Variants in RPS15A observed in about 807,000 individuals in gnomAD.
RPS15A encodes ribosomal protein S15a, also known as small ribosomal subunit protein uS8.
For missense variants in RPS15A, 62 were observed against 163.4 expected (o/e 0.38, Z 3.38); for synonymous variants, 55 against 58.5 (o/e 0.94, Z 0.27).
At chr16:18,787,673 A>G (rs1432258566) in intron 3 of RPS15A, among the ~76,000 whole-genome samples, 1 of 152,236 alleles carries the variant, frequency 6.6e-6, no homozygotes, top group Non-Finnish European at 1.5e-5. Flanking sequence ...ACTCAAAGAT[A>G]AAGATTCCAT....
intron 3 of RPS15A, chr16:18,785,119 C>A: frequency 3.6e-6 from 1 of 276,816 alleles, no homozygotes; most frequent in Non-Finnish European, 6.7e-6. Context: ...CCAGGATGAT[C>A]AGATTTTACA....
rs142398499 is a variant in RPS15A at position 18,790,094 on chromosome 16, G to A, written c.-6+150C>T. 398 of 152,926 alleles carry A rather than the reference G, an allele frequency of 2.6e-3. 2 individuals carry two copies. The highest frequency in any genetic ancestry group is 4.0e-3 in the Non-Finnish European group (271 of 68,538). The allele number at this position is 152,926 out of a possible 1,614,324, so 9.5% of individuals were successfully genotyped here. A position where few individuals can be genotyped will look rare whatever the true frequency, so the allele number is the denominator to read the frequency against. ...GAAGGCTCCGGCTCCCGCCCGCGCT[G>A]CGGCCTGCACCCCACGGACCGGGAT... On this transcript the variant is annotated intron_variant, in intron 1 of 4. Transcript: ENST00000322989.
intron 3 of RPS15A, chr16:18,785,881 A>G (rs1434970822): frequency 6.6e-6 from 1 of 152,328 alleles, no homozygotes; most frequent in East Asian, 1.9e-4. Flanking sequence ...AATTCTTCTC[A>G]TTCTGGTAGA....
intron 4 of RPS15A, 181 bp from the exon 5 acceptor site, chr16:18,783,283 CAA>C: frequency 1.8e-6 from 1 of 553,820 alleles, no homozygotes; most frequent in Admixed American, 3.4e-5. Flanking sequence ...TCCTGCAACC[CAA>C]AGAGCCAAAT....
At chr16:18,783,542 T>C (rs1397376407) in intron 4 of RPS15A, 5 of 402,044 alleles carry the variant, frequency 1.2e-5, no homozygotes, top group Admixed American at 1.2e-4. Context: ...CATGAGTTAC[T>C]GTGGGGATCA....
chr16:18,782,876 C>T lies in RPS15A; in HGVS notation c.*133G>A. On this transcript the variant is annotated 3_prime_UTR_variant, in exon 5 of 5. Coordinates refer to ENST00000322989, the MANE Select transcript of RPS15A (RefSeq NM_001019.5). ...CTGTATTAGTCACTTCAGGGAATCG[C>T]ATTCACCGATAAACGAAGCAACTGC... 1 of 608,622 alleles carries T rather than the reference C, an allele frequency of 1.6e-6. No homozygotes were observed. The highest frequency in any genetic ancestry group is 2.0e-5 in the South Asian group (1 of 50,374). 37.7% of individuals were successfully genotyped at this position (608,622 alleles called of 1,614,324 possible).
At chr16:18,788,188 G>A (rs1226535123) in intron 2 of RPS15A, 46 bp from the exon 3 acceptor site, 13 of 1,196,200 alleles carry the variant, frequency 1.1e-5, no homozygotes, top group Non-Finnish European at 1.6e-5. Context: ...ATCAACTTGA[G>A]AGCTAAACCT....
intron 3 of RPS15A, 68 bp downstream of exon 3, chr16:18,787,995 A>AT (rs1157082428): frequency 1.0e-6 from 1 of 961,898 alleles, no homozygotes; most frequent in Admixed American, 1.7e-5. Flanking sequence ...TCCAAAGGCA[A>AT]TTACAACATT....
intron 2 of RPS15A, 76 bp from the exon 3 acceptor site, chr16:18,788,218 ATTC>A: frequency 1.8e-5 from 16 of 907,940 alleles, no homozygotes; most frequent in Non-Finnish European, 1.6e-5. Context: ...AGCCTACTCA[ATTC>A]TTCACTCTCC....
At chr16:18,783,236 C>A in intron 4 of RPS15A, 134 bp from the exon 5 acceptor site, 1 of 616,218 alleles carries the variant, frequency 1.6e-6, no homozygotes, top group Non-Finnish European at 2.9e-6. Context: ...ACAGTGCCTA[C>A]ATGAGCTGGT....
At chr16:18,788,784 GCTC>G (rs1362431674) in intron 2 of RPS15A, 194 bp downstream of exon 2, 1 of 557,300 alleles carries the variant, frequency 1.8e-6, no homozygotes, top group Non-Finnish European at 3.2e-6. Flanking sequence ...ACCTAGCAGA[GCTC>G]CTTTTTCCAG....
intron 1 of RPS15A, 153 bp from the exon 2 acceptor site, chr16:18,789,271 C>G (rs571707375): frequency 1.5e-6 from 1 of 672,958 alleles, no homozygotes; most frequent in South Asian, 2.1e-5. Flanking sequence ...TTCCCACCAC[C>G]CAGGAAAATT....
At position 18,784,786 on chromosome 16, in the gene RPS15A, T is replaced by C; in HGVS notation, c.251A>G (p.Lys84Arg). The C allele has an allele frequency of 1.2e-6, 2 of 1,612,814 alleles. No homozygotes were observed. The highest frequency in any genetic ancestry group is 1.1e-5 in the South Asian group (1 of 90,720). ...VISPRFDVQL[K>R]DLEKWQNNLL... Reference sequence around the variant, plus strand: ...ATTATTCTGCCATTTTTCCAGGTCTTTGAGTTGCACGTCAAATCTGGGGCT... The same window carrying C: ...ATTATTCTGCCATTTTTCCAGGTCTCTGAGTTGCACGTCAAATCTGGGGCT... The change falls in exon 4 of 5, where the codon AAA becomes AGA. Residue 84 changes from lysine (K) to arginine (R), a missense_variant. Physicochemically the swap from Lys to Arg is conservative, Grantham distance 26. Coordinates refer to ENST00000322989, the MANE Select transcript of RPS15A (RefSeq NM_001019.5).
At chr16:18,786,938 C>G (rs1000112108) in intron 3 of RPS15A, 1 of 152,368 alleles carries the variant, frequency 6.6e-6, no homozygotes, top group African/African-American at 2.4e-5. Context: ...GATCTCAGCT[C>G]ACTGTAACCT....
At position 18,782,549 on chromosome 16, in the gene RPS15A, C is replaced by A; in HGVS notation, c.*460G>T. ...ACCAGCCTGGGCAACATGGCGAAACCCTGTCTCTACTAAAATATAAAAATT... is the reference window on the plus strand; with the variant it reads ...ACCAGCCTGGGCAACATGGCGAAACACTGTCTCTACTAAAATATAAAAATT... On this transcript the variant is annotated 3_prime_UTR_variant, in exon 5 of 5. Transcript: ENST00000322989. 1 of 153,912 alleles carries A rather than the reference C, an allele frequency of 6.5e-6. No individual in the cohort carries two copies. Among genetic ancestry groups the A allele is most frequent in the Non-Finnish European group, 1.4e-5 (1 of 69,172 alleles). The allele number at this position is 153,912 out of a possible 1,614,324, so 9.5% of individuals were successfully genotyped here. A position where few individuals can be genotyped will look rare whatever the true frequency, so the allele number is the denominator to read the frequency against.
chr16:18,784,641 TGTTTTA>T (rs1303515218), intron 4 of RPS15A, 91 bp downstream of exon 4: 13 of 885,140 alleles, frequency 1.5e-5, no homozygotes, highest in Non-Finnish European at 2.3e-5. Context: ...ACCACTGCTT[TGTTTTA>T]AACAGAAAAA....
In RPS15A at chr16:18,782,791, C is replaced by T. The variant is rs967923599; in HGVS notation, c.*218G>A. The T allele has an allele frequency of 3.2e-5, 13 of 400,856 alleles. No homozygotes were observed. The East Asian group carries it at 4.7e-4, about 15-fold the overall frequency. The allele number at this position is 400,856 out of a possible 1,614,324, so 24.8% of individuals were successfully genotyped here. ...TTTAGTGTCAAATACCTGGTTTTGG[C>T]AGACAGCAGGGGTGACTGTTTCTTA... On this transcript the variant is annotated 3_prime_UTR_variant, in exon 5 of 5. Coordinates refer to ENST00000322989, the MANE Select transcript of RPS15A (RefSeq NM_001019.5).
In RPS15A at chr16:18,782,912, A is replaced by C; in HGVS notation, c.*97T>G. ...AAACGAAGCAACTGCATGCTGCCGC[A>C]GAAGCTGTGGCTACACTGCTGTAAA... is the stretch of plus-strand genomic sequence containing the variant. On this transcript the variant is annotated 3_prime_UTR_variant, in exon 5 of 5. Coordinates refer to ENST00000322989, the MANE Select transcript of RPS15A (RefSeq NM_001019.5). 2.9e-6 allele frequency: 2 copies of C among 700,564 alleles called. No homozygotes were observed. Among genetic ancestry groups the C allele is most frequent in the Non-Finnish European group, 4.9e-6 (2 of 406,010 alleles). The allele number at this position is 700,564 out of a possible 1,614,324, so 43.4% of individuals were successfully genotyped here. A position where few individuals can be genotyped will look rare whatever the true frequency, so the allele number is the denominator to read the frequency against.
chr16:18,785,691 T>C (rs1305324651), intron 3 of RPS15A: 1 of 152,242 alleles, frequency 6.6e-6, no homozygotes, highest in Non-Finnish European at 1.5e-5. Flanking sequence ...TAAGTTCTCC[T>C]ACTATTACCC....
Sources: gnomAD v4.1 joint callset for allele counts (sites outside exome capture counted in the v4.1 genomes callset) on GRCh38, gnomAD v4.1.1 for gene constraint, MANE v1.5 for transcripts, NCBI Gene and HGNC (gene_info 2026-07-23, HGNC 2026-07-21) for gene names.